The following PTPRN2 variants were observed in gnomAD, a reference collection of about 807,000 sequenced individuals.
The protein encoded by PTPRN2 is receptor-type tyrosine-protein phosphatase N2.
Under a neutral mutation model 118.8 loss-of-function variants are expected in PTPRN2, and 74 were observed. That is an observed-to-expected ratio of 0.62 (90% CI 0.52 to 0.76). The LOEUF (loss-of-function observed/expected upper bound fraction) is 0.76. Ranked by LOEUF, PTPRN2 falls within the 30% of genes least tolerant of loss-of-function variation. PTPRN2 has a pLI of 0.00. For missense variants in PTPRN2, 1,481 were observed against 1,394.4 expected, an observed-to-expected ratio of 1.06 and a Z score of -0.99; for synonymous variants, 641 against 608.0, an observed-to-expected ratio of 1.05 and a Z score of -0.80.
intron 9 of PTPRN2, among the ~76,000 whole-genome samples, chr7:158,118,135 G>A (rs1218196337): frequency 6.6e-6 from 1 of 152,008 alleles, no homozygotes; most frequent in African/African-American, 2.4e-5. Flanking sequence ...TTATAACTTT[G>A]GTTTGTAACT....
At chr7:157,952,471 G>A (rs902212039) in intron 11 of PTPRN2, among the ~76,000 whole-genome samples, 4 of 124,088 alleles carry the variant, frequency 3.2e-5, no homozygotes, top group African/African-American at 1.1e-4. Flanking sequence ...CGGGGTGGGG[G>A]ACACAGGGAG....
At chr7:158,118,414 G>T (rs957015567) in intron 9 of PTPRN2, among the ~76,000 whole-genome samples, 1 of 152,136 alleles carries the variant, frequency 6.6e-6, no homozygotes, top group African/African-American at 2.4e-5. Flanking sequence ...ACAAAAAGAA[G>T]AAAGGAATTT....
rs1249706132 is a variant in PTPRN2, at chr7:157,845,722, G to T, written c.1788+52951C>A. ...ACCAACATGGAGCTGAGGCCCCAGA[G>T]AGGTCCCTGTGCTCATGACTCACAG... On this transcript the variant is annotated intron_variant, in intron 12 of 22. Coordinates refer to ENST00000389418, the MANE Select transcript of PTPRN2 (RefSeq NM_002847.5). The surrounding 1 kb of genome is among the most constrained non-coding windows in gnomAD (Gnocchi z 4.5). Among the ~76,000 whole-genome samples, 2 of 152,170 alleles carry T rather than the reference G, an allele frequency of 1.3e-5. No homozygotes were observed. The highest frequency in any genetic ancestry group is 2.9e-5 in the Non-Finnish European group (2 of 68,048).
At position 157,872,576 on chromosome 7, in the gene PTPRN2, C is replaced by A. The variant is rs150986919; in HGVS notation, c.1788+26097G>T. Among the ~76,000 whole-genome samples, 806 of 152,392 alleles carry A rather than the reference C, an allele frequency of 5.3e-3. 4 individuals carry two copies. The highest frequency in any genetic ancestry group is 0.01 in the Middle Eastern group (3 of 294). The stretch of plus-strand genomic sequence containing the variant: ...CCACGCTATGTCCTCACAGCTGTTT[C>A]CCCTACCCAATGCCCATGTAACTGT... On this transcript the variant is annotated intron_variant, in intron 12 of 22. Coordinates refer to ENST00000389418, the MANE Select transcript of PTPRN2 (RefSeq NM_002847.5).
At chr7:158,521,252 G>A (rs1174855329) in intron 1 of PTPRN2, among the ~76,000 whole-genome samples, 1 of 152,258 alleles carries the variant, frequency 6.6e-6, no homozygotes, top group East Asian at 1.9e-4. Flanking sequence ...TGCAGGGCTG[G>A]CTGTATTCTT....
At chr7:158,097,554 C>T (rs1207767952) in intron 10 of PTPRN2, among the ~76,000 whole-genome samples, 1 of 152,206 alleles carries the variant, frequency 6.6e-6, no homozygotes, top group Non-Finnish European at 1.5e-5. Context: ...AGAACTGTCA[C>T]AGAGCCCGTC....
intron 1 of PTPRN2, among the ~76,000 whole-genome samples, chr7:158,540,853 G>A (rs931232319): frequency 6.6e-6 from 1 of 152,316 alleles, no homozygotes; most frequent in South Asian, 2.1e-4. Context: ...TCTCCATTAG[G>A]TCACCAAGGC....
chr7:157,742,817 C>A (rs1800709788), intron 12 of PTPRN2, among the ~76,000 whole-genome samples: 1 of 152,200 alleles, frequency 6.6e-6, no homozygotes, highest in African/African-American at 2.4e-5. Context: ...TGAGATGATA[C>A]CAACTTGGAG....
chr7:158,487,678 C>T (rs568119947), intron 2 of PTPRN2, among the ~76,000 whole-genome samples: 44 of 152,264 alleles, frequency 2.9e-4, no homozygotes, highest in African/African-American at 9.1e-4. Context: ...AGCCGCCCCC[C>T]ACCGCACCCT....
chr7:158,188,155 C>CGA (rs1389428872), intron 5 of PTPRN2, among the ~76,000 whole-genome samples: 2 of 151,858 alleles, frequency 1.3e-5, no homozygotes, highest in Admixed American at 6.6e-5. Context: ...CGCTCGCCCC[C>CGA]TGTACTGGGA....
intron 1 of PTPRN2, among the ~76,000 whole-genome samples, chr7:158,492,349 G>A (rs1018932048): frequency 6.6e-6 from 1 of 152,244 alleles, no homozygotes; most frequent in African/African-American, 2.4e-5. Context: ...CTAACTCCAT[G>A]TTTGTCACGT....
intron 1 of PTPRN2, among the ~76,000 whole-genome samples, chr7:158,527,594 G>A (rs1824885427): frequency 6.6e-6 from 1 of 152,192 alleles, no homozygotes; most frequent in South Asian, 2.1e-4. Context: ...TCCCTCCCAG[G>A]CCGCTGGTCC....
chr7:158,411,366 C>T (rs562884058), intron 2 of PTPRN2, among the ~76,000 whole-genome samples: 35 of 152,168 alleles, frequency 2.3e-4, no homozygotes, highest in African/African-American at 7.2e-4. Context: ...CCTGGCACTG[C>T]GCACTGCTGC....
In PTPRN2 at chr7:158,336,445, C is replaced by A. The variant is rs1199398183; in HGVS notation, c.164-19513G>T. Among the ~76,000 whole-genome samples, 2 of 103,224 alleles carry A rather than the reference C, an allele frequency of 1.9e-5. 1 individual carries two copies. The highest frequency in any genetic ancestry group is 4.5e-5 in the Non-Finnish European group (2 of 44,386). The allele number at this position is 103,224 out of a possible 152,430, so 67.7% of individuals were successfully genotyped here. ...GACACCTGCAGACGTCACTCACACC[C>A]ACACATGTCACTCACACCCACACTC... On this transcript the variant is annotated intron_variant, in intron 2 of 22. Coordinates refer to ENST00000389418, the MANE Select transcript of PTPRN2 (RefSeq NM_002847.5).
chr7:157,646,141 C>T (rs1006284855), intron 14 of PTPRN2, among the ~76,000 whole-genome samples: 6 of 152,270 alleles, frequency 3.9e-5, no homozygotes, highest in African/African-American at 7.2e-5. Context: ...GCGCTGCCTC[C>T]GCATGGCCTT....
rs1331631375 is a variant in PTPRN2, at chr7:157,658,026, GAC to G, written c.2002-1477_2002-1476del. Among the ~76,000 whole-genome samples the G allele has an allele frequency of 1.6e-3, 244 of 151,124 alleles. 1 individual carries two copies. The highest frequency in any genetic ancestry group is 5.6e-3 in the African/African-American group (229 of 41,100). On this transcript the variant is annotated intron_variant, in intron 13 of 22. Coordinates refer to ENST00000389418, the MANE Select transcript of PTPRN2 (RefSeq NM_002847.5). ...ACCACACACACATACACACATCACA[GAC>G]ACACACACACTGCACACGCCACAAA...
intron 14 of PTPRN2, among the ~76,000 whole-genome samples, chr7:157,634,125 C>A (rs1055555753): frequency 1.3e-5 from 2 of 151,816 alleles, no homozygotes; most frequent in African/African-American, 4.9e-5. Context: ...CTGACCTGCC[C>A]TTCCTCACAC....
Position 157,866,987 on chromosome 7 carries a change from T to C in PTPRN2, c.1788+31686A>G, listed in dbSNP as rs528038167. 2.0e-4 allele frequency among the ~76,000 whole-genome samples: 24 copies of C among 119,610 alleles called. No homozygotes were observed. The East Asian group carries it at 3.9e-3, about 20-fold the overall frequency. 78.5% of individuals were successfully genotyped at this position (119,610 alleles called of 152,430 possible). On this transcript the variant is annotated intron_variant, in intron 12 of 22. Transcript: ENST00000389418. ...ACCACCCCGTCCCCGACGCCCTGGA[T>C]ACACGGCCACCACCCCGTCCCTGAC...
At position 157,720,199 on chromosome 7, in the gene PTPRN2, G is replaced by A. The variant is rs370371128; in HGVS notation, c.1789-37262C>T. ...GCCAGTCCAGATATCTGCAGTGTTA[G>A]CGAGAGACGCTGTTGACCCTTCTTG... On this transcript the variant is annotated intron_variant, in intron 12 of 22. Coordinates refer to ENST00000389418, the MANE Select transcript of PTPRN2 (RefSeq NM_002847.5). 2.0e-4 allele frequency among the ~76,000 whole-genome samples: 30 copies of A among 152,316 alleles called. No homozygotes were observed. In the East Asian group the frequency reaches 2.9e-3, roughly 15 times the overall value.
Sources: gnomAD v4.1 joint callset for allele counts (sites outside exome capture counted in the v4.1 genomes callset) on GRCh38, gnomAD v4.1.1 for gene constraint, Gnocchi (gnomAD v3.1) non-coding constraint, MANE v1.5 for transcripts, NCBI Gene and HGNC (gene_info 2026-07-23, HGNC 2026-07-21) for gene names.